The following ABHD2 variants were observed in gnomAD, a reference collection of about 807,000 sequenced individuals.
ABHD2 encodes abhydrolase domain containing 2, acylglycerol lipase, also known as monoacylglycerol lipase ABHD2.
Under a neutral mutation model 48.1 loss-of-function variants are expected in ABHD2, and 20 were observed. The ratio of observed to expected loss-of-function variants is 0.42; its 90% CI spans 0.29 to 0.60. The LOEUF (loss-of-function observed/expected upper bound fraction) is 0.60. Among genes scored for constraint, ABHD2 ranks in the 20% least tolerant of loss-of-function variants. The pLI, the probability that ABHD2 is intolerant of heterozygous loss-of-function variation, is 0.24. For missense variants in ABHD2, 405 were observed against 550.9 expected, an observed-to-expected ratio of 0.74 and a Z score of 2.65; for synonymous variants, 209 against 214.2, an observed-to-expected ratio of 0.98 and a Z score of 0.21.
Position 89,202,289 on chromosome 15 carries a change from C to A in ABHD2, c.*6866C>A, listed in dbSNP as rs2051473195. 6.6e-6 allele frequency: 1 copy of A among 152,648 alleles called. No homozygotes were observed. Among genetic ancestry groups the A allele is most frequent in the Non-Finnish European group, 1.5e-5 (1 of 68,416 alleles). 9.5% of individuals were successfully genotyped at this position (152,648 alleles called of 1,614,324 possible). A position where few individuals can be genotyped will look rare whatever the true frequency, so the allele number is the denominator to read the frequency against. ...GGTGGTGAACAAAGATCATTACAAA[C>A]AAAAACTGTAATTTTGTTATATTTG... On this transcript the variant is annotated 3_prime_UTR_variant, in exon 11 of 11. Coordinates refer to ENST00000352732, the MANE Select transcript of ABHD2 (RefSeq NM_152924.5).
intron 3 of ABHD2, among the ~76,000 whole-genome samples, chr15:89,119,529 A>G (rs767794552): frequency 1.3e-5 from 2 of 152,150 alleles, no homozygotes; most frequent in African/African-American, 2.4e-5. Context: ...AGTCTTACCA[A>G]CCTTAAGGTT....
chr15:89,160,984 A>G lies in ABHD2; in HGVS notation c.538+5450A>G, dbSNP rs118007041. Among the ~76,000 whole-genome samples, 131 of 152,344 alleles carry G rather than the reference A, an allele frequency of 8.6e-4. 3 individuals carry two copies. In the East Asian group the frequency reaches 0.012, roughly 14 times the overall value. Reference sequence around the variant, plus strand: ...TAATGTGGAAAAATTTATAATACTTACTTTTCTCATCCAGGAGCATGACCT... The same window carrying G: ...TAATGTGGAAAAATTTATAATACTTGCTTTTCTCATCCAGGAGCATGACCT... On this transcript the variant is annotated intron_variant, in intron 5 of 10. Transcript: ENST00000352732.
chr15:89,042,595 T>TC, the ABHD2 span, among the ~76,000 whole-genome samples: 5 of 72,462 alleles, frequency 6.9e-5, no homozygotes, highest in African/African-American at 2.8e-4. Context: ...TTCTTATTTA[T>TC]TTATTTATTT....
chr15:89,173,137 C>T lies in ABHD2; in HGVS notation c.539-2675C>T, dbSNP rs1010588528. On this transcript the variant is annotated intron_variant, in intron 5 of 10. Transcript: ENST00000352732. This position sits in a 1 kb window ranked among gnomAD's most constrained non-coding sequence, Gnocchi z 6.5. ...GGATTTCTAAATTTTTTATTTGTTG[C>T]GTGGTGTAGAAGCTGATATCAGCTA... Among the ~76,000 whole-genome samples, 2 of 152,192 alleles carry T rather than the reference C, an allele frequency of 1.3e-5. No individual in the cohort carries two copies. Among genetic ancestry groups the T allele is most frequent in the African/African-American group, 4.8e-5 (2 of 41,432 alleles).
At chr15:89,042,587 C>CTTATTTATTTAT in the ABHD2 span, among the ~76,000 whole-genome samples, 77 of 142,008 alleles carry the variant, frequency 5.4e-4, no homozygotes, top group East Asian at 1.3e-3. Context: ...TTCTTTCTTT[C>CTTATTTATTTAT]TTATTTATTT....
chr15:89,191,959 A>G (rs553867421), intron 9 of ABHD2, among the ~76,000 whole-genome samples: 38 of 152,286 alleles, frequency 2.5e-4, no homozygotes, highest in African/African-American at 8.9e-4. Context: ...ACTTGTTTGT[A>G]TTAATGCAAC....
Position 89,091,607 on chromosome 15 carries a change from G to A in ABHD2, c.-107+3044G>A, listed in dbSNP as rs934973056. ...TGCCCTTGTTCAGAGCTCCTGCCCC[G>A]AGCAGGAAATAATTTCTTTGGTCTT... is the stretch of plus-strand genomic sequence containing the variant. On this transcript the variant is annotated intron_variant, in intron 1 of 10. Coordinates refer to ENST00000352732, the MANE Select transcript of ABHD2 (RefSeq NM_152924.5). This position sits in a 1 kb window ranked among gnomAD's most constrained non-coding sequence, Gnocchi z 5.5. 1.3e-5 allele frequency among the ~76,000 whole-genome samples: 2 copies of A among 152,110 alleles called. No homozygotes were observed. Among genetic ancestry groups the A allele is most frequent in the African/African-American group, 2.4e-5 (1 of 41,424 alleles).
Position 89,116,210 on chromosome 15 carries a change from G to A in ABHD2, c.-6-112G>A. 9.9e-7 allele frequency: 1 copy of A among 1,005,670 alleles called. No individual in the cohort carries two copies. The highest frequency in any genetic ancestry group is 1.6e-5 in the South Asian group (1 of 62,950). The allele number at this position is 1,005,670 out of a possible 1,614,324, so 62.3% of individuals were successfully genotyped here. On this transcript the variant is annotated intron_variant, in intron 2 of 10. Coordinates refer to ENST00000352732, the MANE Select transcript of ABHD2 (RefSeq NM_152924.5). This position sits in a 1 kb window ranked among gnomAD's most constrained non-coding sequence, Gnocchi z 4.6. ...AGGAGCCTGCGGAAACATCTGAATT[G>A]TGACACACCGTCACTGGCAGTATCT...
chr15:89,130,356 G>A (rs1344348354), intron 3 of ABHD2, among the ~76,000 whole-genome samples: 3 of 152,118 alleles, frequency 2.0e-5, no homozygotes, highest in East Asian at 1.9e-4. Context: ...GGTCATCACC[G>A]AGCCAGGAAG....
rs1358329947 is a variant in ABHD2 at position 89,186,080 on chromosome 15, A to G, written c.815+564A>G. Among the ~76,000 whole-genome samples, 2 of 152,196 alleles carry G rather than the reference A, an allele frequency of 1.3e-5. No individual in the cohort carries two copies. The highest frequency in any genetic ancestry group is 4.8e-5 in the African/African-American group (2 of 41,454). ...ACCACTTCCACACCCTTTTCTCCCA[A>G]ATTAGAGCAGTCACGAGGTGGCTGT... On this transcript the variant is annotated intron_variant, in intron 7 of 10. Coordinates refer to ENST00000352732, the MANE Select transcript of ABHD2 (RefSeq NM_152924.5). This position sits in a 1 kb window ranked among gnomAD's most constrained non-coding sequence, Gnocchi z 4.3.
At chr15:89,072,110 C>G in the ABHD2 span, among the ~76,000 whole-genome samples, 1 of 152,194 alleles carries the variant, frequency 6.6e-6, no homozygotes, top group Non-Finnish European at 1.5e-5. Context: ...CCGTTAGAAA[C>G]CTCCTATGAG....
chr15:89,139,286 T>C (rs532375704), intron 3 of ABHD2, among the ~76,000 whole-genome samples: 1 of 152,132 alleles, frequency 6.6e-6, no homozygotes, highest in African/African-American at 2.4e-5. Context: ...CTCAGAAATA[T>C]CTCTCCTCTC....
At chr15:89,180,766 C>T (rs1320575626) in intron 6 of ABHD2, among the ~76,000 whole-genome samples, 2 of 152,132 alleles carry the variant, frequency 1.3e-5, no homozygotes, top group African/African-American at 4.8e-5. Context: ...CTGGTTTTGC[C>T]CCCACTGCAG....
chr15:89,149,501 G>A (rs565989142), intron 3 of ABHD2, among the ~76,000 whole-genome samples: 1 of 152,284 alleles, frequency 6.6e-6, no homozygotes, highest in East Asian at 1.9e-4. Flanking sequence ...TAGAGCTAGA[G>A]GTGAATGAGC....
the ABHD2 span, among the ~76,000 whole-genome samples, chr15:89,057,694 C>T: frequency 2.6e-5 from 4 of 152,014 alleles, no homozygotes; most frequent in Non-Finnish European, 5.9e-5. Context: ...CAGGGTGGCG[C>T]TGCTCCCTCT....
At chr15:89,077,229 A>G in the ABHD2 span, among the ~76,000 whole-genome samples, 1 of 152,186 alleles carries the variant, frequency 6.6e-6, no homozygotes. Context: ...TTTGAACTTT[A>G]TATAAATAAA....
At position 89,186,161 on chromosome 15, in the gene ABHD2, C is replaced by T. The variant is rs1489321752; in HGVS notation, c.815+645C>T. Reference sequence around the variant, plus strand: ...CTTCTGTGCCTGGGGGATCAGGACTCATTCTTGGCTGGCGCTTGGGCTTCT... The same window carrying T: ...CTTCTGTGCCTGGGGGATCAGGACTTATTCTTGGCTGGCGCTTGGGCTTCT... On this transcript the variant is annotated intron_variant, in intron 7 of 10. Transcript: ENST00000352732. The surrounding 1 kb of genome is among the most constrained non-coding windows in gnomAD (Gnocchi z 4.3). Among the ~76,000 whole-genome samples the T allele has an allele frequency of 6.6e-6, 1 of 152,102 alleles. No homozygotes were observed. The highest frequency in any genetic ancestry group is 1.5e-5 in the Non-Finnish European group (1 of 68,020).
rs183556663 is a variant in ABHD2, at chr15:89,171,293, T to C, written c.539-4519T>C. 6.6e-5 allele frequency among the ~76,000 whole-genome samples: 10 copies of C among 152,186 alleles called. No individual in the cohort carries two copies. The East Asian group carries it at 1.9e-3, about 29-fold the overall frequency. On this transcript the variant is annotated intron_variant, in intron 5 of 10. Transcript: ENST00000352732. ...CTGGAGGTGAGGTCCTGCAAGCTCA[T>C]TGAGCCCCTTGAGTTTCTGATTCCG...
chr15:89,127,350 G>T (rs977336208), intron 3 of ABHD2, among the ~76,000 whole-genome samples: 2 of 152,114 alleles, frequency 1.3e-5, no homozygotes, highest in Non-Finnish European at 1.5e-5. Flanking sequence ...TGGGAACCCT[G>T]CCTGGAGATC....
Sources: gnomAD v4.1 joint callset for allele counts (sites outside exome capture counted in the v4.1 genomes callset) on GRCh38, gnomAD v4.1.1 for gene constraint, Gnocchi (gnomAD v3.1) non-coding constraint, MANE v1.5 for transcripts, NCBI Gene and HGNC (gene_info 2026-07-23, HGNC 2026-07-21) for gene names.